Variants in MTBP observed in about 807,000 individuals in gnomAD.
MTBP encodes mdm2-binding protein.
A neutral mutation model predicts 117.0 loss-of-function variants in MTBP; 101 were observed. That is an observed-to-expected ratio of 0.86 (90% confidence interval 0.73 to 1.02). The LOEUF is 1.02. Ranked by LOEUF, MTBP falls within the 50% of genes least tolerant of loss-of-function variation. The pLI is 0.00. For synonymous variants in MTBP, 350 were observed against 351.5 expected (o/e 1.00, Z 0.05); for missense variants, 970 against 1,030.9 (o/e 0.94, Z 0.81).
chr8:120,491,514 A>G (rs1345754591), intron 13 of MTBP, among the ~76,000 whole-genome samples: 1 of 152,196 alleles, frequency 6.6e-6, no homozygotes, highest in Admixed American at 6.5e-5. Flanking sequence ...AGGTGTAATT[A>G]GAAAGGCAAA....
At chr8:120,466,075 CTT>C (rs1586945112) in intron 10 of MTBP, among the ~76,000 whole-genome samples, 1 of 151,916 alleles carries the variant, frequency 6.6e-6, no homozygotes, top group African/African-American at 2.4e-5. Flanking sequence ...GAAATAGAGA[CTT>C]TATAACTATG....
chr8:120,510,076 C>A, intron 17 of MTBP, 47 bp downstream of exon 17: 2 of 1,272,724 alleles, frequency 1.6e-6, no homozygotes, highest in Non-Finnish European at 2.2e-6. Flanking sequence ...GTTGATACAG[C>A]CTGTCTTGTG....
chr8:120,522,850 T>C, intron 21 of MTBP, 131 bp downstream of exon 21: 1 of 636,052 alleles, frequency 1.6e-6, no homozygotes, highest in Non-Finnish European at 2.6e-6. Context: ...ATGAAAACTC[T>C]TTAAGAAACT....
At chr8:120,453,032 T>TA (rs1296766512) in intron 4 of MTBP, among the ~76,000 whole-genome samples, 1 of 152,166 alleles carries the variant, frequency 6.6e-6, no homozygotes, top group African/African-American at 2.4e-5. Context: ...ATCATATAGA[T>TA]AAAACTAATA....
chr8:120,499,833 T>G (rs1421799330), intron 14 of MTBP, among the ~76,000 whole-genome samples: 1 of 152,308 alleles, frequency 6.6e-6, no homozygotes, highest in South Asian at 2.1e-4. Context: ...GAACTCATAA[T>G]ACAATAACTA....
intron 11 of MTBP, among the ~76,000 whole-genome samples, chr8:120,482,947 C>T (rs1397520637): frequency 6.6e-6 from 1 of 151,904 alleles, no homozygotes; most frequent in Admixed American, 6.6e-5. Context: ...GATCCATCCA[C>T]CTCAGCCTCC....
Position 120,488,129 on chromosome 8 carries a change from A to T in MTBP, c.1166-30A>T, listed in dbSNP as rs533568799. ...GTTGTGTTGTGTGCTGAATTTTCACATACTTAACAAGATAATTGTTTTTGT... is the reference window on the plus strand; with the variant it reads ...GTTGTGTTGTGTGCTGAATTTTCACTTACTTAACAAGATAATTGTTTTTGT... On this transcript the variant is annotated intron_variant, in intron 11 of 21. Transcript: ENST00000305949. 2.3e-4 allele frequency: 358 copies of T among 1,541,348 alleles called. 2 individuals are homozygous for T. The African/African-American group carries it at 4.7e-3, about 20-fold the overall frequency.
chr8:120,475,236 T>A (rs1476105334), intron 11 of MTBP, among the ~76,000 whole-genome samples: 1 of 152,026 alleles, frequency 6.6e-6, no homozygotes, highest in Non-Finnish European at 1.5e-5. Flanking sequence ...ACTCTTCTCC[T>A]GACCTCTTAT....
chr8:120,475,384 A>G (rs1462965427), intron 11 of MTBP, among the ~76,000 whole-genome samples: 3 of 151,992 alleles, frequency 2.0e-5, no homozygotes, highest in Non-Finnish European at 4.4e-5. Context: ...GTTAGTAATA[A>G]CTGTTCTCCA....
chr8:120,479,590 A>G (rs898462877), intron 11 of MTBP, among the ~76,000 whole-genome samples: 4 of 152,136 alleles, frequency 2.6e-5, no homozygotes, highest in African/African-American at 9.7e-5. Flanking sequence ...TATACATGCT[A>G]GTCCACTAAA....
chr8:120,450,918 A>G, intron 2 of MTBP, 85 bp from the exon 3 acceptor site: 1 of 874,122 alleles, frequency 1.1e-6, no homozygotes, highest in East Asian at 2.5e-5. Flanking sequence ...TTCAAAAGTT[A>G]TGGTCTGTAA....
intron 7 of MTBP, among the ~76,000 whole-genome samples, chr8:120,456,942 A>G (rs1182026590): frequency 6.6e-6 from 1 of 152,186 alleles, no homozygotes; most frequent in Non-Finnish European, 1.5e-5. Context: ...TCACATAATA[A>G]TGTGATTATA....
At chr8:120,497,337 A>C in intron 13 of MTBP, 56 bp from the exon 14 acceptor site, 1 of 1,416,358 alleles carries the variant, frequency 7.1e-7, no homozygotes, top group Non-Finnish European at 9.5e-7. Context: ...ACAAAAGACT[A>C]GTAGATGAGC....
intron 11 of MTBP, chr8:120,474,047 G>C (rs13279029): frequency 6.6e-6 from 1 of 151,700 alleles, no homozygotes; most frequent in Non-Finnish European, 1.5e-5. Flanking sequence ...TAACTTAGGC[G>C]TGGGGGTTTT....
intron 17 of MTBP, 58 bp from the exon 18 acceptor site, chr8:120,515,867 G>T (rs1814906576): frequency 6.8e-7 from 1 of 1,465,716 alleles, no homozygotes; most frequent in Non-Finnish European, 9.3e-7. Flanking sequence ...TCATTGAAAG[G>T]GGAAAGTCTG....
At position 120,510,001 on chromosome 8, in the gene MTBP, G is replaced by A. The variant is rs754987861; in HGVS notation, c.1951G>A (p.Ala651Thr). 1 of 1,611,582 alleles carries A rather than the reference G, an allele frequency of 6.2e-7. No individual in the cohort carries two copies. The highest frequency in any genetic ancestry group is 8.5e-7 in the Non-Finnish European group (1 of 1,178,596). Residue 651 changes from alanine to threonine, a missense_variant, in exon 17 of 22, where the codon GCC (alanine) becomes ACC (threonine). By Grantham distance (58) the Ala-to-Thr change is moderately conservative. Transcript: ENST00000305949. ...GKLQVLPFEK[A>T]SVCHYHGIEY... Reference sequence around the variant, plus strand: ...ACTTCAGGTCTTACCTTTTGAGAAAGCCTCAGTATGTCATTATCATGGAAT... The same window carrying A: ...ACTTCAGGTCTTACCTTTTGAGAAAACCTCAGTATGTCATTATCATGGAAT...
intron 20 of MTBP, among the ~76,000 whole-genome samples, chr8:120,519,303 T>C (rs1044936994): frequency 6.6e-6 from 1 of 152,040 alleles, no homozygotes; most frequent in African/African-American, 2.4e-5. Flanking sequence ...GGGACTCGAC[T>C]GTCAGTGGAT....
chr8:120,455,680 T>A (rs966030084), intron 6 of MTBP, 101 bp downstream of exon 6: 3 of 1,143,076 alleles, frequency 2.6e-6, no homozygotes, highest in Non-Finnish European at 3.8e-6. Context: ...ATTATTTTAA[T>A]ATGACAACAT....
intron 13 of MTBP, among the ~76,000 whole-genome samples, chr8:120,496,444 T>C (rs909037339): frequency 4.6e-5 from 7 of 152,174 alleles, no homozygotes; most frequent in African/African-American, 1.7e-4. Context: ...AGCTTCACTA[T>C]AGTATGGTGA....
Sources: allele counts gnomAD v4.1 joint callset (sites outside exome capture counted in the v4.1 genomes callset), GRCh38; gene constraint gnomAD v4.1.1; transcripts MANE v1.5; gene names NCBI Gene and HGNC (gene_info 2026-07-23, HGNC 2026-07-21).